BMP2K: variants seen among roughly 807,000 people sequenced by gnomAD.
The protein encoded by BMP2K is BMP2 inducible kinase.
Under a neutral mutation model 116.0 loss-of-function variants are expected in BMP2K, and 74 were observed. The ratio of observed to expected loss-of-function variants is 0.64; its 90% CI spans 0.53 to 0.77. BMP2K has a LOEUF of 0.77. Ranked by LOEUF, BMP2K falls within the 30% of genes least tolerant of loss-of-function variation. The probability of loss-of-function intolerance (pLI) is 0.00; values close to 1 mark genes in which losing one functional copy is unlikely to be tolerated. For synonymous variants in BMP2K, 486 were observed against 502.5 expected (o/e 0.97, Z 0.44); for missense variants, 1,365 against 1,403.6 (o/e 0.97, Z 0.44).
At chr4:78,811,375 A>C (rs1243484300) in intron 1 of BMP2K, among the ~76,000 whole-genome samples, 2 of 152,226 alleles carry the variant, frequency 1.3e-5, no homozygotes, top group African/African-American at 4.8e-5. Flanking sequence ...CTAATTGTGT[A>C]GTACATAATA....
At chr4:78,842,338 CTTTA>C (rs746754017) in intron 3 of BMP2K, 43 bp from the exon 4 acceptor site, 7 of 1,504,558 alleles carry the variant, frequency 4.7e-6, no homozygotes, top group African/African-American at 4.1e-5. Flanking sequence ...TTGTGATAGA[CTTTA>C]TTTATTAAAA....
chr4:78,846,635 G>A (rs1412357043), intron 5 of BMP2K, among the ~76,000 whole-genome samples: 4 of 151,520 alleles, frequency 2.6e-5, no homozygotes, highest in South Asian at 2.1e-4. Context: ...ATGGCAGTCA[G>A]TATTAGAAAT....
intron 15 of BMP2K, among the ~76,000 whole-genome samples, chr4:78,900,656 T>G (rs1157901916): frequency 3.9e-5 from 6 of 152,238 alleles, no homozygotes; most frequent in African/African-American, 1.4e-4. Context: ...ATTTGTTGCC[T>G]TAGTTTATGA....
chr4:78,810,160 A>T (rs1485154083), intron 1 of BMP2K, among the ~76,000 whole-genome samples: 1 of 152,236 alleles, frequency 6.6e-6, no homozygotes, highest in Non-Finnish European at 1.5e-5. Flanking sequence ...GGGACTAATA[A>T]GTCTTCTAGC....
intron 3 of BMP2K, among the ~76,000 whole-genome samples, chr4:78,839,696 G>C (rs1730664870): frequency 6.6e-6 from 1 of 152,130 alleles, no homozygotes; most frequent in Non-Finnish European, 1.5e-5. Flanking sequence ...CCATCTGTAA[G>C]CTGAGGAGCA....
At chr4:78,894,846 C>G (rs563110289) in intron 15 of BMP2K, among the ~76,000 whole-genome samples, 21 of 152,314 alleles carry the variant, frequency 1.4e-4, no homozygotes, top group African/African-American at 5.1e-4. Context: ...CTCGTCCTTT[C>G]ACCTGAACAC....
chr4:78,846,937 A>G (rs1477597985), intron 5 of BMP2K, among the ~76,000 whole-genome samples: 4 of 151,572 alleles, frequency 2.6e-5, no homozygotes, highest in Non-Finnish European at 5.9e-5. Context: ...GATTTTTATA[A>G]TAAAGACAAT....
intron 1 of BMP2K, among the ~76,000 whole-genome samples, chr4:78,791,461 A>G (rs1305024504): frequency 2.0e-5 from 3 of 152,184 alleles, no homozygotes; most frequent in South Asian, 4.1e-4. Flanking sequence ...CAAAATATGC[A>G]TAAGATTCAC....
chr4:78,827,500 AT>A (rs1169034512), intron 2 of BMP2K, among the ~76,000 whole-genome samples: 2 of 152,080 alleles, frequency 1.3e-5, no homozygotes, highest in Non-Finnish European at 2.9e-5. Context: ...CAAAAGGAAC[AT>A]GTCTTTATTC....
chr4:78,865,654 A>G lies in BMP2K; in HGVS notation c.1165A>G (p.Ile389Val), dbSNP rs764059092. 3.7e-5 allele frequency: 60 copies of G among 1,614,004 alleles called. No homozygotes were observed. Among genetic ancestry groups the G allele is most frequent in the Admixed American group, 1.7e-5 (1 of 59,992 alleles). ...TACTGCCACTCCCAGTGTGCTGACC[A>G]TTCAAAGTTCAGCAACACCTGTTAA... ...ATTATPSVLT[I>V]QSSATPVKVL... The change falls in exon 10 of 16, where the codon ATT (isoleucine) becomes GTT (valine). Residue 389 changes from isoleucine (I) to valine (V), a missense_variant. Ile to Val is a conservative substitution (Grantham distance 29). Around this residue, in one of 3 missense-constraint regions of BMP2K, gnomAD observed 762 missense variants for 756.7 expected, o/e 1.01. Transcript: ENST00000502613.
At chr4:78,856,243 G>T (rs1395195067) in intron 7 of BMP2K, among the ~76,000 whole-genome samples, 1 of 151,730 alleles carries the variant, frequency 6.6e-6, no homozygotes, top group Admixed American at 6.6e-5. Context: ...GGATTGCAAT[G>T]GTGAGATCAT....
intron 6 of BMP2K, among the ~76,000 whole-genome samples, chr4:78,849,460 AT>A (rs1157759721): frequency 2.0e-5 from 3 of 151,632 alleles, no homozygotes; most frequent in Non-Finnish European, 4.4e-5. Context: ...ACCCTACAAC[AT>A]TTACTCTAAC....
chr4:78,796,791 G>T (rs952160520), intron 1 of BMP2K, among the ~76,000 whole-genome samples: 5 of 152,148 alleles, frequency 3.3e-5, no homozygotes, highest in African/African-American at 1.2e-4. Flanking sequence ...GAGGAGTTTT[G>T]ATATGTAAAA....
intron 15 of BMP2K, among the ~76,000 whole-genome samples, chr4:78,892,008 C>T (rs933344478): frequency 6.6e-6 from 1 of 152,108 alleles, no homozygotes; most frequent in Admixed American, 6.6e-5. Context: ...TTGCTGTTTT[C>T]AGTCTTTAAA....
At position 78,893,507 on chromosome 4, in the gene BMP2K, A is replaced by G. The variant is rs1733549429; in HGVS notation, c.2062+6223A>G. ...TTCAGGTTTTCAGTTTACTTTGCAC[A>G]GATTCATGAGAGAATTCACTATCTG... On this transcript the variant is annotated intron_variant, in intron 15 of 15. Transcript: ENST00000502613. Among the ~76,000 whole-genome samples the G allele has an allele frequency of 4.6e-5, 7 of 152,238 alleles. 1 individual carries two copies. In the South Asian group the frequency reaches 1.4e-3, roughly 32 times the overall value.
Position 78,879,401 on chromosome 4 carries a change from T to C in BMP2K, c.1951+510T>C, listed in dbSNP as rs914608011. 5 of 985,870 alleles carry C rather than the reference T, an allele frequency of 5.1e-6. No individual in the cohort carries two copies. The African/African-American group carries it at 7.0e-5, about 14-fold the overall frequency. 61.1% of individuals were successfully genotyped at this position (985,870 alleles called of 1,614,324 possible). A position where few individuals can be genotyped will look rare whatever the true frequency, so the allele number is the denominator to read the frequency against. On this transcript the variant is annotated intron_variant, in intron 14 of 15. Coordinates refer to ENST00000502613, the MANE Select transcript of BMP2K (RefSeq NM_198892.2). ...AAAGGGCTGCTTTGTTGTCCTGATA[T>C]GGCAAAAATTAAATAAATTCTTTTT...
intron 1 of BMP2K, among the ~76,000 whole-genome samples, chr4:78,790,690 G>A (rs1201446701): frequency 2.0e-5 from 3 of 152,128 alleles, no homozygotes; most frequent in African/African-American, 7.2e-5. Context: ...AATTCATCTA[G>A]TGTCTGTACG....
chr4:78,859,572 C>T lies in BMP2K; in HGVS notation c.884-12C>T, dbSNP rs1348732471. On this transcript the variant is annotated splice_polypyrimidine_tract_variant and intron_variant, in intron 7 of 15. Coordinates refer to ENST00000502613, the MANE Select transcript of BMP2K (RefSeq NM_198892.2). ...TCATAAAACTTCTTAACATTTTGATCTATTCTTGCAGGGTTCATGCTTGAA... is the reference window on the plus strand; with the variant it reads ...TCATAAAACTTCTTAACATTTTGATTTATTCTTGCAGGGTTCATGCTTGAA... 1.9e-6 allele frequency: 3 copies of T among 1,563,236 alleles called. No homozygotes were observed. Among genetic ancestry groups the T allele is most frequent in the Non-Finnish European group, 2.6e-6 (3 of 1,147,578 alleles).
At chr4:78,855,178 A>G (rs931703296) in intron 7 of BMP2K, among the ~76,000 whole-genome samples, 2 of 152,174 alleles carry the variant, frequency 1.3e-5, no homozygotes, top group African/African-American at 4.8e-5. Flanking sequence ...CCCATATACT[A>G]AGATATGTAG....
Sources: gnomAD v4.1 joint callset for allele counts (sites outside exome capture counted in the v4.1 genomes callset) on GRCh38, gnomAD v4.1.1 for gene constraint, gnomAD v4.1.1 regional missense constraint, MANE v1.5 for transcripts, NCBI Gene and HGNC (gene_info 2026-07-23, HGNC 2026-07-21) for gene names.